The following PLCB1 variants were observed in gnomAD, a reference collection of about 807,000 sequenced individuals.
PLCB1 encodes the protein 1-phosphatidylinositol 4,5-bisphosphate phosphodiesterase beta-1.
A neutral mutation model predicts 161.8 loss-of-function variants in PLCB1; 46 were observed. The observed-to-expected ratio is 0.28, with a 90% CI of 0.22 to 0.36. The LOEUF (loss-of-function observed/expected upper bound fraction) is 0.36. PLCB1 is among the 10% of genes least tolerant of loss of function. The pLI, the probability that PLCB1 is intolerant of heterozygous loss-of-function variation, is 1.00. For missense variants in PLCB1, 1,016 were observed against 1,472.5 expected, an observed-to-expected ratio of 0.69 and a Z score of 5.07; for synonymous variants, 517 against 503.7, an observed-to-expected ratio of 1.03 and a Z score of -0.35.
rs1452813998 is a variant in PLCB1, at chr20:8,306,494, T to G, written c.178-64888T>G. ...ATTGACTCCTAGATCGGCTTCTCACTTTGGGCAAGCTCCTTAATGTCTGCA... is the reference window on the plus strand; with the variant it reads ...ATTGACTCCTAGATCGGCTTCTCACGTTGGGCAAGCTCCTTAATGTCTGCA... On this transcript the variant is annotated intron_variant, in intron 2 of 31. Coordinates refer to ENST00000338037, the MANE Select transcript of PLCB1 (RefSeq NM_015192.4). 2.6e-5 allele frequency: 4 copies of G among 152,226 alleles called. No individual in the cohort carries two copies. In the East Asian group the frequency reaches 7.7e-4, roughly 29 times the overall value. The allele number at this position is 152,226 out of a possible 1,614,324, so 9.4% of individuals were successfully genotyped here.
At chr20:8,480,258 T>C (rs1476797141) in intron 3 of PLCB1, among the ~76,000 whole-genome samples, 1 of 151,904 alleles carries the variant, frequency 6.6e-6, no homozygotes, top group African/African-American at 2.4e-5. Flanking sequence ...GAACAGAGAA[T>C]AAAATCCGGA....
At chr20:8,311,862 A>T (rs1488149274) in intron 2 of PLCB1, among the ~76,000 whole-genome samples, 1 of 152,194 alleles carries the variant, frequency 6.6e-6, no homozygotes, top group Non-Finnish European at 1.5e-5. Flanking sequence ...AAAAACACAT[A>T]TACAGTTGTG....
At chr20:8,780,411 C>T (rs2146210283) in intron 27 of PLCB1, among the ~76,000 whole-genome samples, 1 of 152,308 alleles carries the variant, frequency 6.6e-6, no homozygotes, top group Non-Finnish European at 1.5e-5. Context: ...TCATTTCTTT[C>T]ACAGTTACCG....
At chr20:8,861,434 C>T (rs895263382) in intron 31 of PLCB1, among the ~76,000 whole-genome samples, 1 of 152,082 alleles carries the variant, frequency 6.6e-6, no homozygotes. Flanking sequence ...GGCATCATGG[C>T]TCATGCCTGT....
chr20:8,270,593 T>C (rs1028253783), intron 2 of PLCB1, among the ~76,000 whole-genome samples: 1 of 152,130 alleles, frequency 6.6e-6, no homozygotes, highest in Admixed American at 6.6e-5. Context: ...GATAAGTAGA[T>C]TGATTAATCA....
At chr20:8,601,308 A>G (rs555687520) in intron 3 of PLCB1, among the ~76,000 whole-genome samples, 1 of 152,154 alleles carries the variant, frequency 6.6e-6, no homozygotes, top group East Asian at 1.9e-4. Context: ...AATACAGATG[A>G]TTTCATCTCC....
At chr20:8,437,091 G>T (rs897761820) in intron 3 of PLCB1, among the ~76,000 whole-genome samples, 1 of 152,036 alleles carries the variant, frequency 6.6e-6, no homozygotes, top group Non-Finnish European at 1.5e-5. Context: ...AGCCTGGTCC[G>T]TAACCATGGA....
intron 31 of PLCB1, among the ~76,000 whole-genome samples, chr20:8,845,511 G>T (rs1296350871): frequency 1.3e-5 from 2 of 152,182 alleles, no homozygotes; most frequent in Non-Finnish European, 2.9e-5. Context: ...CTTTGTGCTA[G>T]TCACATTTCA....
At chr20:8,325,591 C>T (rs576091761) in intron 2 of PLCB1, among the ~76,000 whole-genome samples, 3 of 152,260 alleles carry the variant, frequency 2.0e-5, no homozygotes, top group South Asian at 4.2e-4. Flanking sequence ...TTCATTTAAT[C>T]CTCACAGCCA....
chr20:8,756,206 TTATAAG>T (rs1981729152), intron 23 of PLCB1, among the ~76,000 whole-genome samples: 1 of 152,188 alleles, frequency 6.6e-6, no homozygotes, highest in African/African-American at 2.4e-5. Context: ...TCTAAGTACT[TTATAAG>T]TATTAACTTA....
rs750621906 is a variant in PLCB1 at position 8,717,710 on chromosome 20, A to G, written c.1375A>G (p.Met459Val). 1.2e-6 allele frequency: 2 copies of G among 1,613,444 alleles called. No homozygotes were observed. Among genetic ancestry groups the G allele is most frequent in the South Asian group, 2.2e-5 (2 of 90,998 alleles). ...TCCTCTTCCAAGCCCTATGGATTTA[A>G]TGTATAAAATTTTGGTGAAAAATAA... ...GVPLPSPMDL[M>V]YKILVKNKKK... The change falls in exon 14 of 32, where the codon ATG (methionine) becomes GTG (valine). Residue 459 changes from methionine to valine, a missense_variant. By Grantham distance (21) the Met-to-Val change is conservative (BLOSUM62 1). This residue lies in a region of PLCB1 where 109 missense variants were observed against 129.7 expected (regional missense o/e 0.84). Coordinates refer to ENST00000338037, the MANE Select transcript of PLCB1 (RefSeq NM_015192.4).
intron 3 of PLCB1, among the ~76,000 whole-genome samples, chr20:8,592,013 A>T (rs911827099): frequency 6.6e-6 from 1 of 152,208 alleles, no homozygotes; most frequent in African/African-American, 2.4e-5. Flanking sequence ...CAAGAAATTC[A>T]CTTATGTTCC....
At chr20:8,237,674 T>C (rs1353476565) in intron 2 of PLCB1, among the ~76,000 whole-genome samples, 1 of 152,114 alleles carries the variant, frequency 6.6e-6, no homozygotes, top group African/African-American at 2.4e-5. Flanking sequence ...CTCCATTTAC[T>C]GGTTTCCCCA....
chr20:8,473,570 T>C (rs553646561), intron 3 of PLCB1, among the ~76,000 whole-genome samples: 2 of 152,128 alleles, frequency 1.3e-5, no homozygotes, highest in South Asian at 4.1e-4. Context: ...TCCAGCCTTG[T>C]TAGTTATCAT....
intron 26 of PLCB1, among the ~76,000 whole-genome samples, chr20:8,771,443 A>G (rs1982671595): frequency 6.6e-6 from 1 of 152,126 alleles, no homozygotes. Context: ...CACTGAATTC[A>G]GCTCTTAGCT....
chr20:8,839,582 A>G (rs1275597016), intron 31 of PLCB1, among the ~76,000 whole-genome samples: 1 of 152,164 alleles, frequency 6.6e-6, no homozygotes, highest in Admixed American at 6.5e-5. Context: ...ACCCACACAC[A>G]TCCCTACAAG....
chr20:8,729,032 C>T lies in PLCB1; in HGVS notation c.1764-18C>T. Reference sequence around the variant, plus strand: ...AATATTTTTATAATTGTATTCACTACTTAACATGATGGTCCAGATATAACA... The same window carrying T: ...AATATTTTTATAATTGTATTCACTATTTAACATGATGGTCCAGATATAACA... On this transcript the variant is annotated intron_variant, in intron 17 of 31. Transcript: ENST00000338037. 6.5e-7 allele frequency: 1 copy of T among 1,543,994 alleles called. No homozygotes were observed. The highest frequency in any genetic ancestry group is 2.4e-5 in the East Asian group (1 of 42,450).
At chr20:8,705,612 T>G (rs1978626860) in intron 11 of PLCB1, among the ~76,000 whole-genome samples, 1 of 152,186 alleles carries the variant, frequency 6.6e-6, no homozygotes, top group East Asian at 1.9e-4. Context: ...TAAGGTGATG[T>G]TTAGGCACAG....
intron 2 of PLCB1, among the ~76,000 whole-genome samples, chr20:8,249,219 A>G (rs1253183873): frequency 6.6e-6 from 1 of 152,004 alleles, no homozygotes; most frequent in Non-Finnish European, 1.5e-5. Context: ...TTATTTAAAT[A>G]GAAGATTTCC....
Sources: allele counts gnomAD v4.1 joint callset (sites outside exome capture counted in the v4.1 genomes callset), GRCh38; gene constraint gnomAD v4.1.1; regional missense constraint gnomAD v4.1.1; transcripts MANE v1.5; gene names NCBI Gene and HGNC (gene_info 2026-07-23, HGNC 2026-07-21).